The following PCNX3 variants were observed in gnomAD, a reference collection of about 807,000 sequenced individuals.
PCNX3 encodes pecanex 3.
PCNX3 carries 58 observed loss-of-function variants against 207.2 expected under a neutral mutation model. The observed-to-expected ratio is 0.28, with a 90% confidence interval of 0.23 to 0.35. The LOEUF is 0.35. Ranked by LOEUF, PCNX3 falls within the 10% of genes least tolerant of loss-of-function variation. PCNX3 has a pLI of 1.00. For synonymous variants in PCNX3, 1,337 were observed against 1,183.5 expected (o/e 1.13, Z -2.66); for missense variants, 2,410 against 2,774.4 (o/e 0.87, Z 2.95).
intron 25 of PCNX3, 28 bp from the exon 26 acceptor site, chr11:65,629,492 C>T (rs745551040): frequency 1.2e-6 from 2 of 1,612,700 alleles, no homozygotes; most frequent in South Asian, 2.2e-5. Flanking sequence ...GTCACTTTGT[C>T]CATTTGCCCG....
chr11:65,616,567 TCA>T (rs941139153), intron 1 of PCNX3, 103 bp downstream of exon 1: 4 of 1,357,274 alleles, frequency 2.9e-6, no homozygotes, highest in African/African-American at 1.5e-5. Context: ...GAGAGAGGAA[TCA>T]CTGCAGAGTT....
At position 65,635,488 on chromosome 11, in the gene PCNX3, C is replaced by T. The variant is rs374075081; in HGVS notation, c.5184+40C>T. ...ACCTGCCCTAAGCCCTGCCCCAAACCCCCTTGGGCCGGCCCCCTGACCCTG... is the reference window on the plus strand; with the variant it reads ...ACCTGCCCTAAGCCCTGCCCCAAACTCCCTTGGGCCGGCCCCCTGACCCTG... On this transcript the variant is annotated intron_variant, in intron 31 of 34. Coordinates refer to ENST00000355703, the MANE Select transcript of PCNX3 (RefSeq NM_032223.4). This position sits in a 1 kb window ranked among gnomAD's most constrained non-coding sequence, Gnocchi z 9.9. 4.9e-4 allele frequency: 793 copies of T among 1,606,248 alleles called. 15 individuals carry two copies. In the South Asian group the frequency reaches 8.3e-3, roughly 17 times the overall value.
Position 65,618,929 on chromosome 11 carries a change from G to A in PCNX3, c.1567G>A (p.Ala523Thr). The A allele has an allele frequency of 6.2e-7, 1 of 1,607,474 alleles. No homozygotes were observed. Among genetic ancestry groups the A allele is most frequent in the Non-Finnish European group, 8.5e-7 (1 of 1,178,104 alleles). Residue 523 changes from alanine (A) to threonine (T), a missense_variant, in exon 6 of 35, where the codon GCA becomes ACA. Transcript: ENST00000355703. ...VLRPPLAGCK[A>T]ELEAQVGVEQ... The stretch of plus-strand genomic sequence containing the variant: ...GAGGCCCCCACTGGCTGGCTGCAAG[G>A]CAGAGCTGGAGGCCCAGGTTGGGGT...
In PCNX3 at chr11:65,624,710, C is replaced by T. The variant is rs534762864; in HGVS notation, c.2827+129C>T. The T allele has an allele frequency of 1.3e-5, 13 of 985,388 alleles. No homozygotes were observed. The South Asian group carries it at 1.6e-4, about 12-fold the overall frequency. The allele number at this position is 985,388 out of a possible 1,614,324, so 61.0% of individuals were successfully genotyped here. ...CTGTACTGCAGACTCAAGGTTTCTG[C>T]CTTCTCCCCTCTCCTTCCCTCCCCA... On this transcript the variant is annotated intron_variant, in intron 15 of 34. Transcript: ENST00000355703.
intron 26 of PCNX3, 112 bp downstream of exon 26, chr11:65,629,847 G>C: frequency 2.5e-6 from 3 of 1,212,358 alleles, no homozygotes; most frequent in Non-Finnish European, 2.3e-6. Context: ...CAGGCTGGCG[G>C]GTGGCCTTGG....
chr11:65,619,636 C>T lies in PCNX3; in HGVS notation c.1805C>T (p.Ala602Val). The change falls in exon 7 of 35, where the codon GCC (alanine) becomes GTC (valine). Residue 602 changes from alanine to valine, a missense_variant. By Grantham distance (64) the Ala-to-Val change is moderately conservative. Around this residue, in one of 8 missense-constraint regions of PCNX3, gnomAD observed 1,104 missense variants for 970.3 expected, o/e 1.14. Coordinates refer to ENST00000355703, the MANE Select transcript of PCNX3 (RefSeq NM_032223.4). ...GCAGGCAGCAACCCCACCCCTCCAG[C>T]CTCTGTCATGGGCTCGCCGCCCAGG... ...HNAGSNPTPP[A>V]SVMGSPPSSL... The T allele has an allele frequency of 1.2e-6, 2 of 1,602,558 alleles. No individual in the cohort carries two copies. Among genetic ancestry groups the T allele is most frequent in the Non-Finnish European group, 1.7e-6 (2 of 1,178,470 alleles).
At position 65,635,470 on chromosome 11, in the gene PCNX3, C is replaced by T. The variant is rs1472906755; in HGVS notation, c.5184+22C>T. ...CAAGGTTGGGCCGGCCCCACCTGCC[C>T]TAAGCCCTGCCCCAAACCCCCTTGG... On this transcript the variant is annotated intron_variant, in intron 31 of 34. Coordinates refer to ENST00000355703, the MANE Select transcript of PCNX3 (RefSeq NM_032223.4). The surrounding 1 kb of genome is among the most constrained non-coding windows in gnomAD (Gnocchi z 9.9). The T allele has an allele frequency of 2.5e-6, 4 of 1,607,562 alleles. No homozygotes were observed. The highest frequency in any genetic ancestry group is 3.4e-6 in the Non-Finnish European group (4 of 1,178,238).
At chr11:65,621,115 C>T in intron 10 of PCNX3, 149 bp downstream of exon 10, 1 of 1,097,084 alleles carries the variant, frequency 9.1e-7, no homozygotes, top group Non-Finnish European at 1.3e-6. Flanking sequence ...CTGTGTCTGT[C>T]CTGATCTTTG....
Position 65,619,625 on chromosome 11 carries a change from C to G in PCNX3, c.1794C>G (p.Pro598=), listed in dbSNP as rs1237766522. The change falls in exon 7 of 35, where the codon CCC becomes CCG. Residue 598 remains proline, a synonymous_variant. Coordinates refer to ENST00000355703, the MANE Select transcript of PCNX3 (RefSeq NM_032223.4). ...IRRRHNAGSN[P]TPPASVMGSP... ...GACGCCACAATGCAGGCAGCAACCC[C>G]ACCCCTCCAGCCTCTGTCATGGGCT... 3 of 1,603,004 alleles carry G rather than the reference C, an allele frequency of 1.9e-6. No individual in the cohort carries two copies. Among genetic ancestry groups the G allele is most frequent in the Non-Finnish European group, 2.5e-6 (3 of 1,178,422 alleles).
In PCNX3 at chr11:65,628,689, C is replaced by T. The variant is rs1357085688; in HGVS notation, c.3797C>T (p.Pro1266Leu). The T allele has an allele frequency of 4.4e-6, 7 of 1,576,898 alleles. No homozygotes were observed. Among genetic ancestry groups the T allele is most frequent in the Admixed American group, 1.7e-5 (1 of 57,630 alleles). The part of the protein sequence containing the change: ...WGSAFHAFAQ[P>L]FAVPHSAMLF... ...TCGGCTTTCCACGCTTTTGCCCAGC[C>T]GTTTGCCGTGCCACGTATCCAGCCT... The change falls in exon 23 of 35, where the codon CCG (proline) becomes CTG (leucine). Residue 1266 changes from proline (P) to leucine (L), a missense_variant. Coordinates refer to ENST00000355703, the MANE Select transcript of PCNX3 (RefSeq NM_032223.4).
intron 15 of PCNX3, 112 bp downstream of exon 15, chr11:65,624,693 C>A: frequency 9.4e-7 from 1 of 1,067,728 alleles, no homozygotes. Flanking sequence ...GTCTGTACTG[C>A]AGACTCAAGG....
intron 27 of PCNX3, among the ~76,000 whole-genome samples, 182 bp downstream of exon 27, chr11:65,630,786 T>TGTGCCCATATGGCTCTGATAG (rs1363003570): frequency 6.6e-6 from 1 of 152,210 alleles, no homozygotes; most frequent in Non-Finnish European, 1.5e-5. Flanking sequence ...CAGGGGCCTC[T>TGTGCCCATATGGCTCTGATAG]GTGCCCATAT....
In PCNX3 at chr11:65,620,417, C is replaced by A; in HGVS notation, c.2087C>A (p.Ala696Asp). 6.2e-7 allele frequency: 1 copy of A among 1,613,046 alleles called. No individual in the cohort carries two copies. The highest frequency in any genetic ancestry group is 8.5e-7 in the Non-Finnish European group (1 of 1,179,716). ...NPVGQQGEQT[A>D]NGAWDRHSHS... ...GTAGGGCAGCAAGGGGAGCAGACAG[C>A]TAATGGAGCCTGGTGAGTTCCCAAG... Residue 696 changes from alanine (A) to aspartate (D), a missense_variant, in exon 9 of 35, where the codon GCT becomes GAT. Ala to Asp is a moderately radical substitution (Grantham distance 126). Transcript: ENST00000355703.
chr11:65,628,796 C>T, intron 23 of PCNX3, 23 bp from the exon 24 acceptor site: 1 of 1,609,558 alleles, frequency 6.2e-7, no homozygotes, highest in South Asian at 1.1e-5. Flanking sequence ...CTGTTGCCCG[C>T]CGCCTCCTTG....
Position 65,619,031 on chromosome 11 carries a change from CG to C in PCNX3, c.1675del (p.Glu559SerfsTer24). 1.3e-6 allele frequency: 2 copies of C among 1,591,832 alleles called. No homozygotes were observed. On this transcript the variant is annotated frameshift_variant, in exon 6 of 35. Coordinates refer to ENST00000355703, the MANE Select transcript of PCNX3 (RefSeq NM_032223.4). LOFTEE classifies it high-confidence loss of function. ...RGPAANQPGW[R>X]GELQEEGAVG... ...ACCCGCTGCCAACCAGCCCGGCTGGCGGGGGGAGCTGCAGGAGGAAGGTGCT... is the reference window on the plus strand; with the variant it reads ...ACCCGCTGCCAACCAGCCCGGCTGGCGGGGGAGCTGCAGGAGGAAGGTGCT...
In PCNX3 at chr11:65,629,501, C is replaced by G; in HGVS notation, c.4001-19C>G. ...TAACTTGTCACTTTGTCCATTTGCC[C>G]GTCTGTTCTGGGTCTTAGGCGCTGA... On this transcript the variant is annotated intron_variant, in intron 25 of 34. Coordinates refer to ENST00000355703, the MANE Select transcript of PCNX3 (RefSeq NM_032223.4). 1 of 1,613,106 alleles carries G rather than the reference C, an allele frequency of 6.2e-7. No homozygotes were observed. The highest frequency in any genetic ancestry group is 8.5e-7 in the Non-Finnish European group (1 of 1,179,460).
intron 20 of PCNX3, 28 bp from the exon 21 acceptor site, chr11:65,626,876 G>A (rs757747885): frequency 6.4e-7 from 1 of 1,571,268 alleles, no homozygotes; most frequent in South Asian, 1.2e-5. Context: ...GTGGAAGCCA[G>A]GTGCAGAGTC....
chr11:65,630,444 G>T lies in PCNX3; in HGVS notation c.4310G>T (p.Arg1437Leu), dbSNP rs769700408. 6.2e-6 allele frequency: 10 copies of T among 1,613,498 alleles called. No individual in the cohort carries two copies. The African/African-American group carries it at 1.3e-4, about 22-fold the overall frequency. The change falls in exon 27 of 35, where the codon CGG becomes CTG. Residue 1437 changes from arginine to leucine, a missense_variant. By Grantham distance (102) the Arg-to-Leu change is moderately radical. Coordinates refer to ENST00000355703, the MANE Select transcript of PCNX3 (RefSeq NM_032223.4). The stretch of plus-strand genomic sequence containing the variant: ...TGCTGTGAACCTGGCCACCTGCCAC[G>T]GGTCCTGTCCTTCAATGCTGCCTTT... ...CCCCEPGHLP[R>L]VLSFNAAFGQ...
chr11:65,629,120 G>C (rs1468994611), intron 24 of PCNX3, among the ~76,000 whole-genome samples, 172 bp downstream of exon 24: 1 of 152,202 alleles, frequency 6.6e-6, no homozygotes, highest in Admixed American at 6.5e-5. Context: ...ACCAGGCCAA[G>C]GCTTCAGGCT....
Sources: gnomAD v4.1 joint callset for allele counts (sites outside exome capture counted in the v4.1 genomes callset) on GRCh38, gnomAD v4.1.1 for gene constraint, gnomAD v4.1.1 regional missense constraint, Gnocchi (gnomAD v3.1) non-coding constraint, MANE v1.5 for transcripts, NCBI Gene and HGNC (gene_info 2026-07-23, HGNC 2026-07-21) for gene names.